The following BUB3 variants were observed in gnomAD, a reference collection of about 807,000 sequenced individuals.
BUB3 encodes the protein BUB3 mitotic checkpoint protein, also known as mitotic checkpoint protein BUB3.
Under a neutral mutation model 39.9 loss-of-function variants are expected in BUB3, and 22 were observed. That is an observed-to-expected ratio of 0.55 (90% CI 0.39 to 0.79). The LOEUF (loss-of-function observed/expected upper bound fraction) is 0.79. Ranked by LOEUF, BUB3 falls within the 30% of genes least tolerant of loss-of-function variation. The pLI is 0.00. For synonymous variants in BUB3, 168 were observed against 155.1 expected (o/e 1.08, Z -0.62); for missense variants, 303 against 415.4 (o/e 0.73, Z 2.35).
rs555169516 is a variant in BUB3, at chr10:123,167,085, C to T, written c.*3250C>T. 1 of 152,288 alleles carries T rather than the reference C, an allele frequency of 6.6e-6. No individual in the cohort carries two copies. Among genetic ancestry groups the T allele is most frequent in the East Asian group, 1.9e-4 (1 of 5,182 alleles). 9.4% of individuals were successfully genotyped at this position (152,288 alleles called of 1,614,324 possible). ...AACGAATCCTTGTAAATTTGTTTAACTCAGTTTTCCCCAAATTCATTTAAG... is the reference window on the plus strand; with the variant it reads ...AACGAATCCTTGTAAATTTGTTTAATTCAGTTTTCCCCAAATTCATTTAAG... On this transcript the variant is annotated 3_prime_UTR_variant, in exon 8 of 8. Coordinates refer to ENST00000368865, the MANE Select transcript of BUB3 (RefSeq NM_004725.4).
chr10:123,163,027 AGTT>A, intron 7 of BUB3, 199 bp downstream of exon 7: 1 of 571,030 alleles, frequency 1.8e-6, no homozygotes, highest in Non-Finnish European at 3.0e-6. Context: ...AATTGTGCCT[AGTT>A]GTTTTGTAGA....
chr10:123,164,990 G>A lies in BUB3; in HGVS notation c.*1155G>A. On this transcript the variant is annotated 3_prime_UTR_variant, in exon 8 of 8. Transcript: ENST00000368865. Reference sequence around the variant, plus strand: ...GGTCTTTTTTTTTTTAAGTATTTCAGTGAAAACTTGGTGTAAGTCTGAACC... The same window carrying A: ...GGTCTTTTTTTTTTTAAGTATTTCAATGAAAACTTGGTGTAAGTCTGAACC... The A allele has an allele frequency of 6.4e-7, 1 of 1,566,116 alleles. No individual in the cohort carries two copies. Among genetic ancestry groups the A allele is most frequent in the Non-Finnish European group, 8.6e-7 (1 of 1,159,966 alleles).
At chr10:123,158,787 C>T (rs561296233) in intron 4 of BUB3, among the ~76,000 whole-genome samples, 37 of 152,326 alleles carry the variant, frequency 2.4e-4, no homozygotes, top group Non-Finnish European at 4.9e-4. Context: ...GACAGAATAT[C>T]ATATAATGGA....
intron 3 of BUB3, among the ~76,000 whole-genome samples, chr10:123,156,411 T>TAC (rs899773733): frequency 2.0e-5 from 3 of 152,100 alleles, no homozygotes; most frequent in African/African-American, 7.2e-5. Context: ...GATAGGAGGG[T>TAC]ACAGAGATAT....
intron 3 of BUB3, among the ~76,000 whole-genome samples, chr10:123,156,750 C>CTTTTTTTTTTTTTTTTT (rs1589688487): frequency 2.4e-5 from 3 of 123,402 alleles, no homozygotes; most frequent in East Asian, 6.3e-4. Flanking sequence ...CTTTTTCTTT[C>CTTTTTTTTTTTTTTTTT]TTGTTTTTTT....
chr10:123,165,170 A>T lies in BUB3; in HGVS notation c.*1335A>T. 1 of 1,299,420 alleles carries T rather than the reference A, an allele frequency of 7.7e-7. No homozygotes were observed. The highest frequency in any genetic ancestry group is 1.1e-6 in the Non-Finnish European group (1 of 908,448). The allele number at this position is 1,299,420 out of a possible 1,614,324, so 80.5% of individuals were successfully genotyped here. On this transcript the variant is annotated 3_prime_UTR_variant, in exon 8 of 8. Transcript: ENST00000368865. ...TGTGGATTTCTCTGTTTTCTGTCTTACAAGAAACTTGTCTATGTACCTTAA... is the reference window on the plus strand; with the variant it reads ...TGTGGATTTCTCTGTTTTCTGTCTTTCAAGAAACTTGTCTATGTACCTTAA...
rs757361346 is a variant in BUB3, at chr10:123,155,131, T to C, written c.195+19T>C. ...CTTCTACGTAGGTGCCCTCCCGCCC[T>C]GCTCCTGCCCTCTTACTGTGTTAAC... On this transcript the variant is annotated intron_variant, in intron 2 of 7. Coordinates refer to ENST00000368865, the MANE Select transcript of BUB3 (RefSeq NM_004725.4). 2.5e-6 allele frequency: 4 copies of C among 1,610,438 alleles called. No homozygotes were observed. The Admixed American group carries it at 6.7e-5, about 27-fold the overall frequency.
In BUB3 at chr10:123,164,471, CTG is replaced by C. The variant is rs917353393; in HGVS notation, c.*638_*639del. 80 of 985,508 alleles carry C rather than the reference CTG, an allele frequency of 8.1e-5. No individual in the cohort carries two copies. Among genetic ancestry groups the C allele is most frequent in the Non-Finnish European group, 9.5e-5 (79 of 830,114 alleles). 61.0% of individuals were successfully genotyped at this position (985,508 alleles called of 1,614,324 possible). On this transcript the variant is annotated 3_prime_UTR_variant, in exon 8 of 8. Coordinates refer to ENST00000368865, the MANE Select transcript of BUB3 (RefSeq NM_004725.4). ...AAAACCTCCTAATATCATTTTGTGACTGTAAACAATTATTTATTAGCAAACAA... is the reference window on the plus strand; with the variant it reads ...AAAACCTCCTAATATCATTTTGTGACTAAACAATTATTTATTAGCAAACAA...
chr10:123,157,710 C>T lies in BUB3; in HGVS notation c.266-19C>T, dbSNP rs1564782248. On this transcript the variant is annotated intron_variant, in intron 3 of 7. Transcript: ENST00000368865. ...TAAGCTAGATGTTGGGGTTTTTTCC[C>T]CTTTTTTTTTCTCTATAGAAAATCT... 7 of 1,546,232 alleles carry T rather than the reference C, an allele frequency of 4.5e-6. No homozygotes were observed. Among genetic ancestry groups the T allele is most frequent in the Non-Finnish European group, 5.2e-6 (6 of 1,143,008 alleles).
rs1047757284 is a variant in BUB3, at chr10:123,157,581, C to T, written c.266-148C>T. ...ACTTTGTAGTCATGGAGAGATTTTTCTGTCTGTAGTAGACATTTCCATGGG... is the reference window on the plus strand; with the variant it reads ...ACTTTGTAGTCATGGAGAGATTTTTTTGTCTGTAGTAGACATTTCCATGGG... On this transcript the variant is annotated intron_variant, in intron 3 of 7. Transcript: ENST00000368865. 4 of 834,642 alleles carry T rather than the reference C, an allele frequency of 4.8e-6. No individual in the cohort carries two copies. The African/African-American group carries it at 7.0e-5, about 15-fold the overall frequency. The allele number at this position is 834,642 out of a possible 1,614,324, so 51.7% of individuals were successfully genotyped here.
chr10:123,160,101 G>A lies in BUB3; in HGVS notation c.418-306G>A, dbSNP rs546425068. On this transcript the variant is annotated intron_variant, in intron 4 of 7. Transcript: ENST00000368865. Reference sequence around the variant, plus strand: ...TGTTGTCTCTAAATGAAACATGAAGGCTAGGAAAAATAGTTTAATTTGTTT... The same window carrying A: ...TGTTGTCTCTAAATGAAACATGAAGACTAGGAAAAATAGTTTAATTTGTTT... 7.9e-5 allele frequency among the ~76,000 whole-genome samples: 12 copies of A among 152,138 alleles called. No homozygotes were observed. In the East Asian group the frequency reaches 2.1e-3, roughly 27 times the overall value.
intron 3 of BUB3, 125 bp downstream of exon 3, chr10:123,155,852 A>G (rs1844342465): frequency 6.4e-6 from 5 of 775,696 alleles, no homozygotes; most frequent in Admixed American, 2.6e-5. Flanking sequence ...GGTGGCTTGA[A>G]TTTAGGATTT....
chr10:123,162,026 T>C (rs1844430657), intron 5 of BUB3, among the ~76,000 whole-genome samples: 1 of 152,242 alleles, frequency 6.6e-6, no homozygotes, highest in Admixed American at 6.5e-5. Context: ...TGCAAGGCCC[T>C]GGTACCTGTG....
intron 7 of BUB3, 161 bp downstream of exon 7, chr10:123,162,989 C>T (rs1299160535): frequency 1.3e-5 from 9 of 696,180 alleles, no homozygotes; most frequent in Non-Finnish European, 1.9e-5. Context: ...TTTCAATATC[C>T]GTAGGTTGAT....
intron 3 of BUB3, among the ~76,000 whole-genome samples, chr10:123,157,304 G>C (rs1844362761): frequency 6.6e-6 from 1 of 152,202 alleles, no homozygotes; most frequent in South Asian, 2.1e-4. Flanking sequence ...CAGAAGACCA[G>C]AGTTCTCCAT....
At chr10:123,154,816 G>T in intron 1 of BUB3, 102 bp from the exon 2 acceptor site, 5 of 1,278,486 alleles carry the variant, frequency 3.9e-6, no homozygotes, top group Non-Finnish European at 5.4e-6. Context: ...CCTCGCGGTC[G>T]TCCTCTCGGC....
In BUB3 at chr10:123,165,185, A is replaced by G. The variant is rs1178850142; in HGVS notation, c.*1350A>G. On this transcript the variant is annotated 3_prime_UTR_variant, in exon 8 of 8. Coordinates refer to ENST00000368865, the MANE Select transcript of BUB3 (RefSeq NM_004725.4). ...TTTCTGTCTTACAAGAAACTTGTCT[A>G]TGTACCTTAATACTTTGTTTAGGAT... is the stretch of plus-strand genomic sequence containing the variant. 10 of 1,084,462 alleles carry G rather than the reference A, an allele frequency of 9.2e-6. No individual in the cohort carries two copies. The highest frequency in any genetic ancestry group is 3.9e-5 in the Admixed American group (2 of 51,086). 67.2% of individuals were successfully genotyped at this position (1,084,462 alleles called of 1,614,324 possible).
Position 123,167,596 on chromosome 10 carries a change from G to A in BUB3, c.*3761G>A, listed in dbSNP as rs571555622. ...ATATAGACTCCTTTTAAAATAATTT[G>A]AAATATAATTTTGGAGTATAGACAT... On this transcript the variant is annotated 3_prime_UTR_variant, in exon 8 of 8. Transcript: ENST00000368865. The A allele has an allele frequency of 6.6e-6, 1 of 152,224 alleles. No individual in the cohort carries two copies. The highest frequency in any genetic ancestry group is 1.9e-4 in the East Asian group (1 of 5,184). The allele number at this position is 152,224 out of a possible 1,614,324, so 9.4% of individuals were successfully genotyped here.
In BUB3 at chr10:123,167,988, A is replaced by G. The variant is rs911680259; in HGVS notation, c.*4153A>G. The G allele has an allele frequency of 3.3e-5, 5 of 151,954 alleles. No individual in the cohort carries two copies. The highest frequency in any genetic ancestry group is 4.8e-5 in the African/African-American group (2 of 41,358). 9.4% of individuals were successfully genotyped at this position (151,954 alleles called of 1,614,324 possible). A position where few individuals can be genotyped will look rare whatever the true frequency, so the allele number is the denominator to read the frequency against. On this transcript the variant is annotated 3_prime_UTR_variant, in exon 8 of 8. Coordinates refer to ENST00000368865, the MANE Select transcript of BUB3 (RefSeq NM_004725.4). ...TTTTTTTTTCTCCTTTTTCTGGAGA[A>G]CGGGGTCTCGCTATACTGCCCAGGC... is the stretch of plus-strand genomic sequence containing the variant.
Sources: allele counts gnomAD v4.1 joint callset (sites outside exome capture counted in the v4.1 genomes callset), GRCh38; gene constraint gnomAD v4.1.1; transcripts MANE v1.5; gene names NCBI Gene and HGNC (gene_info 2026-07-23, HGNC 2026-07-21).